Variants in FAM222B observed in about 807,000 individuals in gnomAD.
FAM222B encodes protein FAM222B.
Under a neutral mutation model 38.0 loss-of-function variants are expected in FAM222B, and 12 were observed. The ratio of observed to expected loss-of-function variants is 0.32; its 90% CI spans 0.20 to 0.51. FAM222B has a LOEUF of 0.51. FAM222B is among the 20% of genes least tolerant of loss of function. FAM222B has a pLI of 0.97. For missense variants in FAM222B, 716 were observed against 754.2 expected, an observed-to-expected ratio of 0.95 and a Z score of 0.59; for synonymous variants, 329 against 317.2, an observed-to-expected ratio of 1.04 and a Z score of -0.40.
intron 1 of FAM222B, 36 bp from the exon 2 acceptor site, chr17:28,766,743 G>T: frequency 8.2e-7 from 1 of 1,219,076 alleles, no homozygotes; most frequent in Non-Finnish European, 1.2e-6. Context: ...GAAACACAAG[G>T]CAACTCATTC....
chr17:28,783,090 A>T (rs1343264382), intron 1 of FAM222B, among the ~76,000 whole-genome samples: 3 of 150,788 alleles, frequency 2.0e-5, no homozygotes, highest in African/African-American at 4.9e-5. Flanking sequence ...GTGAGCCAAG[A>T]TCGTGCCACT....
At chr17:28,798,850 C>T (rs2037070237) in intron 1 of FAM222B, among the ~76,000 whole-genome samples, 1 of 152,110 alleles carries the variant, frequency 6.6e-6, no homozygotes, top group Admixed American at 6.6e-5. Context: ...ATCTCCTGAC[C>T]TCGTGATCCA....
chr17:28,776,218 A>G (rs1012625491), intron 1 of FAM222B, among the ~76,000 whole-genome samples: 8 of 150,914 alleles, frequency 5.3e-5, no homozygotes, highest in Non-Finnish European at 1.2e-4. Flanking sequence ...TAAAAATCCA[A>G]TAACAAAAAT....
rs897097188 is a variant in FAM222B, at chr17:28,757,943, C to T, written c.*327G>A. On this transcript the variant is annotated 3_prime_UTR_variant, in exon 3 of 3. Transcript: ENST00000581407. ...GCATTCCGTCAGCCCACACCTCAGT[C>T]GTCCTAAGGGAAACAGGAAGAGATT... The T allele has an allele frequency of 4.2e-5, 10 of 236,604 alleles. No homozygotes were observed. Among genetic ancestry groups the T allele is most frequent in the South Asian group, 2.5e-4 (3 of 11,816 alleles). The allele number at this position is 236,604 out of a possible 1,614,324, so 14.7% of individuals were successfully genotyped here. A position where few individuals can be genotyped will look rare whatever the true frequency, so the allele number is the denominator to read the frequency against.
intron 1 of FAM222B, among the ~76,000 whole-genome samples, chr17:28,807,123 C>T (rs2037530665): frequency 6.6e-6 from 1 of 151,568 alleles, no homozygotes; most frequent in Non-Finnish European, 1.5e-5. Flanking sequence ...TCAAGCGATT[C>T]TCCTGCCTGG....
intron 1 of FAM222B, among the ~76,000 whole-genome samples, chr17:28,832,483 T>C (rs2038701698): frequency 6.6e-6 from 1 of 152,216 alleles, no homozygotes; most frequent in Non-Finnish European, 1.5e-5. Context: ...CTGCTGCCAA[T>C]GATCTTCCTC....
At chr17:28,799,566 A>T (rs965753294) in intron 1 of FAM222B, among the ~76,000 whole-genome samples, 1 of 147,300 alleles carries the variant, frequency 6.8e-6, no homozygotes, top group African/African-American at 2.5e-5. Context: ...ACCTCGGCCT[A>T]CCAAAGTGCT....
chr17:28,767,164 AT>A (rs1001769084), intron 1 of FAM222B: 3 of 152,838 alleles, frequency 2.0e-5, no homozygotes, highest in Admixed American at 6.5e-5. Flanking sequence ...CTTTTATTTT[AT>A]TTTTTTTGAG....
chr17:28,802,955 T>C (rs2037308330), intron 1 of FAM222B: 1 of 152,174 alleles, frequency 6.6e-6, no homozygotes, highest in South Asian at 2.1e-4. Context: ...TTAGCAAGTA[T>C]TGCCCAGTGT....
intron 1 of FAM222B, among the ~76,000 whole-genome samples, chr17:28,800,885 C>T (rs995404288): frequency 6.9e-6 from 1 of 145,640 alleles, no homozygotes; most frequent in Non-Finnish European, 1.5e-5. Context: ...GTTGGCCAGG[C>T]GCGGTGGCTC....
Position 28,758,119 on chromosome 17 carries a change from T to TC in FAM222B, c.*150dup, listed in dbSNP as rs1046722595. ...GGGGAGGACGAGAGGACCCCTTCTG[T>TC]CCCCACTTAGATCCCACCAAATTCC... On this transcript the variant is annotated 3_prime_UTR_variant, in exon 3 of 3. Coordinates refer to ENST00000581407, the MANE Select transcript of FAM222B (RefSeq NM_001077498.3). The TC allele has an allele frequency of 1.5e-4, 105 of 704,476 alleles. No homozygotes were observed. In the South Asian group the frequency reaches 2.2e-3, roughly 15 times the overall value. The allele number at this position is 704,476 out of a possible 1,614,324, so 43.6% of individuals were successfully genotyped here.
chr17:28,849,121 C>T (rs1209745843), intron 1 of FAM222B, among the ~76,000 whole-genome samples: 1 of 151,290 alleles, frequency 6.6e-6, no homozygotes, highest in Non-Finnish European at 1.5e-5. Flanking sequence ...ATTAGCCGGG[C>T]GTGGTGGCGG....
chr17:28,775,958 C>A (rs191030170), intron 1 of FAM222B, among the ~76,000 whole-genome samples: 1 of 151,822 alleles, frequency 6.6e-6, no homozygotes, highest in East Asian at 1.9e-4. Flanking sequence ...CACCTGTAAT[C>A]CCAGCTACTT....
intron 2 of FAM222B, chr17:28,761,902 C>T (rs2035089816): frequency 1.3e-5 from 2 of 152,156 alleles, no homozygotes; most frequent in African/African-American, 4.8e-5. Flanking sequence ...TCATATAATA[C>T]TCCTAGCACA....
chr17:28,831,060 G>A (rs2038653439), intron 1 of FAM222B, among the ~76,000 whole-genome samples: 1 of 148,326 alleles, frequency 6.7e-6, no homozygotes, highest in South Asian at 2.1e-4. Flanking sequence ...TAGTGGAATG[G>A]TCTCGGCCAC....
chr17:28,764,172 T>C (rs1482961320), intron 2 of FAM222B, among the ~76,000 whole-genome samples: 1 of 146,116 alleles, frequency 6.8e-6, no homozygotes, highest in Non-Finnish European at 1.5e-5. Context: ...CTCGAGAGAC[T>C]AAGGCAGGAG....
chr17:28,794,408 C>T (rs556838759), intron 1 of FAM222B, among the ~76,000 whole-genome samples: 90 of 151,696 alleles, frequency 5.9e-4, no homozygotes, highest in Non-Finnish European at 9.4e-4. Flanking sequence ...TTAGTAGAGA[C>T]GGGGTTTCAA....
At position 28,757,318 on chromosome 17, in the gene FAM222B, C is replaced by T. The variant is rs910805822; in HGVS notation, c.*952G>A. On this transcript the variant is annotated 3_prime_UTR_variant, in exon 3 of 3. Coordinates refer to ENST00000581407, the MANE Select transcript of FAM222B (RefSeq NM_001077498.3). ...ACACTACATTCATACAGAAACGTAA[C>T]GTTTAAAACTTACAGTGTAGAGCAA... 2.6e-5 allele frequency: 4 copies of T among 152,364 alleles called. No individual in the cohort carries two copies. The highest frequency in any genetic ancestry group is 3.9e-4 in the East Asian group (2 of 5,184). 9.4% of individuals were successfully genotyped at this position (152,364 alleles called of 1,614,324 possible).
chr17:28,830,659 T>C (rs979255054), intron 1 of FAM222B, among the ~76,000 whole-genome samples: 1 of 152,004 alleles, frequency 6.6e-6, no homozygotes, highest in Non-Finnish European at 1.5e-5. Context: ...CCTAACTCAA[T>C]GTAATAAGGA....
Sources: gnomAD v4.1 joint callset for allele counts (sites outside exome capture counted in the v4.1 genomes callset) on GRCh38, gnomAD v4.1.1 for gene constraint, MANE v1.5 for transcripts, NCBI Gene and HGNC (gene_info 2026-07-23, HGNC 2026-07-21) for gene names.